Variants in RPGRIP1L observed in about 807,000 individuals in gnomAD.
RPGRIP1L encodes the protein RPGRIP1 like, also known as protein fantom.
RPGRIP1L carries 131 observed loss-of-function variants against 160.4 expected under a neutral mutation model. That is an observed-to-expected ratio of 0.82 (90% CI 0.71 to 0.94). The LOEUF (loss-of-function observed/expected upper bound fraction) is 0.94, where lower values mean the gene tolerates loss of function less well. Among genes scored for constraint, RPGRIP1L ranks in the 40% least tolerant of loss-of-function variants. The pLI, the probability that RPGRIP1L is intolerant of heterozygous loss-of-function variation, is 0.00. For missense variants in RPGRIP1L, 1,522 were observed against 1,535.8 expected (o/e 0.99, Z 0.15); for synonymous variants, 510 against 515.8 (o/e 0.99, Z 0.15).
Position 53,678,753 on chromosome 16 carries a change from T to C in RPGRIP1L, c.777-3631A>G, listed in dbSNP as rs536634699. The stretch of plus-strand genomic sequence containing the variant: ...TACGACACAGAATGGAGAGACTGTT[T>C]TGAGTAATAGTTACAGGCTGACCAA... On this transcript the variant is annotated intron_variant, in intron 6 of 26. Transcript: ENST00000647211. 2.6e-5 allele frequency among the ~76,000 whole-genome samples: 4 copies of C among 152,288 alleles called. No individual in the cohort carries two copies. The East Asian group carries it at 7.7e-4, about 29-fold the overall frequency.
Position 53,652,983 on chromosome 16 carries a change from T to G in RPGRIP1L, c.1704A>C (p.Gln568His). Residue 568 changes from glutamine (Q) to histidine (H), a missense_variant, in exon 15 of 27, where the codon CAA becomes CAC. Gln to His is a conservative substitution (Grantham distance 24). Transcript: ENST00000647211. ...TGGTGCCATAGGCAATATCCTTTAA[T>G]TGGGCTGCAAGAGAAGACACACAGT... is the stretch of plus-strand genomic sequence containing the variant. ...RAARIHKLEA[Q>H]LKDIAYGTKQ... 1 of 1,611,634 alleles carries G rather than the reference T, an allele frequency of 6.2e-7. No individual in the cohort carries two copies. The highest frequency in any genetic ancestry group is 1.1e-5 in the South Asian group (1 of 91,032).
At chr16:53,650,573 C>T (rs930309755) in intron 15 of RPGRIP1L, among the ~76,000 whole-genome samples, 1 of 151,976 alleles carries the variant, frequency 6.6e-6, no homozygotes, top group East Asian at 1.9e-4. Flanking sequence ...AAAAACACCC[C>T]AAACAAACAA....
intron 2 of RPGRIP1L, among the ~76,000 whole-genome samples, chr16:53,699,640 T>C (rs1971212197): frequency 6.6e-6 from 1 of 152,110 alleles, no homozygotes; most frequent in African/African-American, 2.4e-5. Flanking sequence ...TACTTTTTAC[T>C]TCTAACAATA....
chr16:53,660,297 T>A (rs1315463680), intron 10 of RPGRIP1L, among the ~76,000 whole-genome samples: 1 of 152,174 alleles, frequency 6.6e-6, no homozygotes, highest in African/African-American at 2.4e-5. Flanking sequence ...TTTATGTTTA[T>A]CATAAGTCTT....
At chr16:53,626,145 T>TAAAAA (rs760491478) in intron 22 of RPGRIP1L, among the ~76,000 whole-genome samples, 212 of 60,320 alleles carry the variant, frequency 3.5e-3, no homozygotes, top group East Asian at 5.9e-3. Flanking sequence ...CAATAAATAC[T>TAAAAA]AAAAAAAAAA....
chr16:53,668,444 G>A (rs1039944886), intron 9 of RPGRIP1L, among the ~76,000 whole-genome samples: 42 of 152,164 alleles, frequency 2.8e-4, no homozygotes, highest in African/African-American at 9.4e-4. Context: ...CTCTCAAGGA[G>A]TTAATACCTC....
chr16:53,657,387 A>G, intron 13 of RPGRIP1L, 66 bp downstream of exon 13: 1 of 1,082,980 alleles, frequency 9.2e-7, no homozygotes, highest in Non-Finnish European at 1.4e-6. Flanking sequence ...AACATACAGT[A>G]TTTAGAAAAT....
At chr16:53,620,458 G>C (rs1964636436) in intron 23 of RPGRIP1L, among the ~76,000 whole-genome samples, 1 of 152,036 alleles carries the variant, frequency 6.6e-6, no homozygotes, top group Admixed American at 6.5e-5. Context: ...ATTTTACTAG[G>C]ATGACAGAGA....
rs1177440151 is a variant in RPGRIP1L at position 53,600,133 on chromosome 16, A to G, written c.*1943T>C. On this transcript the variant is annotated 3_prime_UTR_variant, in exon 27 of 27. Coordinates refer to ENST00000647211, the MANE Select transcript of RPGRIP1L (RefSeq NM_015272.5). ...TGGGATGTAACATTTTACAACAATA[A>G]TACAAACCTCCTGGGAGAATACCAC... 6.6e-6 allele frequency: 1 copy of G among 152,632 alleles called. No homozygotes were observed. The highest frequency in any genetic ancestry group is 1.5e-5 in the Non-Finnish European group (1 of 68,042). 9.5% of individuals were successfully genotyped at this position (152,632 alleles called of 1,614,324 possible).
chr16:53,628,488 C>T (rs961461769), intron 22 of RPGRIP1L: 5 of 152,108 alleles, frequency 3.3e-5, no homozygotes, highest in Non-Finnish European at 7.4e-5. Flanking sequence ...CATCAGGCTC[C>T]AAAGCTTCCT....
At chr16:53,627,305 G>A (rs1352007172) in intron 22 of RPGRIP1L, among the ~76,000 whole-genome samples, 6 of 152,148 alleles carry the variant, frequency 3.9e-5, no homozygotes, top group Non-Finnish European at 7.4e-5. Flanking sequence ...ATTATGGTGA[G>A]ATTACAGGTG....
rs1964002641 is a variant in RPGRIP1L at position 53,611,033 on chromosome 16, T to A, written c.3635A>T (p.Glu1212Val). 6.2e-7 allele frequency: 1 copy of A among 1,612,608 alleles called. No individual in the cohort carries two copies. The highest frequency in any genetic ancestry group is 1.7e-5 in the Admixed American group (1 of 59,978). ...GATGTCTCTCTTTGCTTTGTTGTTT[T>A]CTTTATCCACGTAGATCACTATACC... ...NYSNVIYVDK[E>V]NNKAKRDILK... The change falls in exon 25 of 27, where the codon GAA becomes GTA. Residue 1212 changes from glutamate (E) to valine (V), a missense_variant. Physicochemically the swap from Glu to Val is moderately radical, Grantham distance 121. Coordinates refer to ENST00000647211, the MANE Select transcript of RPGRIP1L (RefSeq NM_015272.5).
intron 19 of RPGRIP1L, among the ~76,000 whole-genome samples, chr16:53,639,915 T>G (rs2151049825): frequency 6.6e-6 from 1 of 152,302 alleles, no homozygotes; most frequent in East Asian, 1.9e-4. Flanking sequence ...CAGAATATTT[T>G]GATGTGGGTG....
At position 53,601,904 on chromosome 16, in the gene RPGRIP1L, T is replaced by C. The variant is rs1341949361; in HGVS notation, c.*172A>G. 1.6e-6 allele frequency: 1 copy of C among 622,186 alleles called. No homozygotes were observed. Among genetic ancestry groups the C allele is most frequent in the Non-Finnish European group, 2.9e-6 (1 of 342,440 alleles). The allele number at this position is 622,186 out of a possible 1,614,324, so 38.5% of individuals were successfully genotyped here. On this transcript the variant is annotated 3_prime_UTR_variant, in exon 27 of 27. Coordinates refer to ENST00000647211, the MANE Select transcript of RPGRIP1L (RefSeq NM_015272.5). ...TTATGAGAAGGAGGGAATAGAGAAA[T>C]AAACAAATGAAAAAGTATACAAAAC...
intron 9 of RPGRIP1L, among the ~76,000 whole-genome samples, chr16:53,666,592 G>GTA (rs71380041): frequency 0.41 from 60,536 of 147,074 alleles, 14,681 homozygotes; most frequent in Admixed American, 0.58. Flanking sequence ...GTGTGTGTGT[G>GTA]TATATATATA....
At chr16:53,693,088 A>G (rs1970496405) in intron 3 of RPGRIP1L, among the ~76,000 whole-genome samples, 1 of 152,250 alleles carries the variant, frequency 6.6e-6, no homozygotes, top group Non-Finnish European at 1.5e-5. Flanking sequence ...AACAAAAGAC[A>G]GAAAGGGCAC....
intron 2 of RPGRIP1L, among the ~76,000 whole-genome samples, chr16:53,697,686 T>G (rs1970897113): frequency 6.6e-6 from 1 of 151,866 alleles, no homozygotes; most frequent in Non-Finnish European, 1.5e-5. Context: ...CAGGCTGGAG[T>G]GCAGTGGCGT....
At chr16:53,697,141 T>C (rs1361031562) in intron 2 of RPGRIP1L, among the ~76,000 whole-genome samples, 2 of 151,874 alleles carry the variant, frequency 1.3e-5, no homozygotes, top group African/African-American at 2.4e-5. Context: ...TGAGCTGAGA[T>C]TGTGCCACTG....
rs114799166 is a variant in RPGRIP1L at position 53,607,371 on chromosome 16, C to T, written c.3702-1757G>A. On this transcript the variant is annotated intron_variant, in intron 25 of 26. Coordinates refer to ENST00000647211, the MANE Select transcript of RPGRIP1L (RefSeq NM_015272.5). ...AGAGAAAAACTTGGCATCGGAAAAG[C>T]TTGTTTCAATTGAAAATTTAGTTAG... 2.9e-3 allele frequency among the ~76,000 whole-genome samples: 441 copies of T among 152,204 alleles called. 2 individuals are homozygous for T. The highest frequency in any genetic ancestry group is 9.9e-3 in the African/African-American group (411 of 41,528).
Sources: allele counts gnomAD v4.1 joint callset (sites outside exome capture counted in the v4.1 genomes callset), GRCh38; gene constraint gnomAD v4.1.1; transcripts MANE v1.5; gene names NCBI Gene and HGNC (gene_info 2026-07-23, HGNC 2026-07-21).